MCTP1: variants seen among roughly 807,000 people sequenced by gnomAD.
MCTP1 encodes the protein multiple C2 and transmembrane domain containing 1.
Under a neutral mutation model 120.6 loss-of-function variants are expected in MCTP1, and 69 were observed. That is an observed-to-expected ratio of 0.57 (90% CI 0.47 to 0.70). MCTP1 has a LOEUF of 0.70. Among genes scored for constraint, MCTP1 ranks in the 30% least tolerant of loss-of-function variants. The pLI is 0.00. For missense variants in MCTP1, 1,203 were observed against 1,248.8 expected (o/e 0.96, Z 0.55); for synonymous variants, 529 against 493.1 (o/e 1.07, Z -0.96).
intron 19 of MCTP1, among the ~76,000 whole-genome samples, chr5:94,735,979 C>T (rs1764132967): frequency 6.6e-6 from 1 of 152,196 alleles, no homozygotes; most frequent in African/African-American, 2.4e-5. Context: ...TTGGACAGAC[C>T]TTGGTTTCAA....
At chr5:95,093,232 G>A (rs11960770) in intron 1 of MCTP1, among the ~76,000 whole-genome samples, 32,033 of 151,964 alleles carry the variant, frequency 0.21, 5,116 homozygotes, top group African/African-American at 0.45. Flanking sequence ...TGACTCAAAG[G>A]GCCAAACACT....
intron 1 of MCTP1, among the ~76,000 whole-genome samples, chr5:95,080,181 T>G (rs75328735): frequency 2.4e-3 from 373 of 152,288 alleles, no homozygotes; most frequent in Middle Eastern, 6.8e-3. Context: ...ACCCCTGTCC[T>G]TTAGGCATGT....
intron 1 of MCTP1, among the ~76,000 whole-genome samples, chr5:95,119,122 A>G (rs1474471236): frequency 1.3e-5 from 2 of 152,362 alleles, no homozygotes; most frequent in East Asian, 3.9e-4. Context: ...TCAAAGACAG[A>G]CCATATGTTA....
At chr5:95,152,938 A>T (rs1037043916) in intron 1 of MCTP1, among the ~76,000 whole-genome samples, 2 of 152,144 alleles carry the variant, frequency 1.3e-5, no homozygotes, top group African/African-American at 4.8e-5. Context: ...CATAAAGGGG[A>T]AATGGGCACA....
At chr5:95,016,530 A>G (rs531309019) in intron 2 of MCTP1, among the ~76,000 whole-genome samples, 9 of 152,086 alleles carry the variant, frequency 5.9e-5, no homozygotes, top group African/African-American at 1.7e-4. Flanking sequence ...ACAGGATCCT[A>G]TGGTGCCAGA....
chr5:95,201,463 G>GTTTTTTTTTTTTTTTTTTTTTTT (rs1562232022), intron 1 of MCTP1, among the ~76,000 whole-genome samples: 1 of 120,682 alleles, frequency 8.3e-6, no homozygotes, highest in Non-Finnish European at 1.8e-5. Context: ...AAGGAAAAGT[G>GTTTTTTTTTTTTTTTTTTTTTTT]GTTTTTTTTT....
chr5:94,970,907 C>T lies in MCTP1; in HGVS notation c.839-17546G>A, dbSNP rs138054001. Among the ~76,000 whole-genome samples, 759 of 151,660 alleles carry T rather than the reference C, an allele frequency of 5.0e-3. 9 individuals carry two copies. Among genetic ancestry groups the T allele is most frequent in the Non-Finnish European group, 4.4e-3 (298 of 67,874 alleles). ...TCTGAAATTGTTTCCTTGAGTGTCA[C>T]CAATAACTTTTAAAAATTCATCAAT... On this transcript the variant is annotated intron_variant, in intron 2 of 22. Coordinates refer to ENST00000515393, the MANE Select transcript of MCTP1 (RefSeq NM_024717.7).
At chr5:95,016,099 C>A (rs1013827579) in intron 2 of MCTP1, among the ~76,000 whole-genome samples, 1 of 152,082 alleles carries the variant, frequency 6.6e-6, no homozygotes, top group African/African-American at 2.4e-5. Flanking sequence ...CTAAACCAGA[C>A]AGTTATTTTG....
Position 94,773,937 on chromosome 5 carries a change from G to A in MCTP1, c.2610+5173C>T, listed in dbSNP as rs1489743162. Among the ~76,000 whole-genome samples the A allele has an allele frequency of 4.1e-4, 16 of 39,238 alleles. 5 individuals are homozygous for A. Among genetic ancestry groups the A allele is most frequent in the Admixed American group, 2.7e-3 (11 of 4,052 alleles). The allele number at this position is 39,238 out of a possible 152,430, so 25.7% of individuals were successfully genotyped here. On this transcript the variant is annotated intron_variant, in intron 19 of 22. Transcript: ENST00000515393. ...ATATTAGATGAAATAGGCCGGGCGC[G>A]GTGGCTCACGCCTGTAATCCCAGCA...
In MCTP1 at chr5:95,068,280, A is replaced by G. The variant is rs190933995; in HGVS notation, c.721-50796T>C. 4.3e-3 allele frequency among the ~76,000 whole-genome samples: 661 copies of G among 152,084 alleles called. 3 individuals carry two copies. Among genetic ancestry groups the G allele is most frequent in the Non-Finnish European group, 6.7e-3 (456 of 67,928 alleles). Reference sequence around the variant, plus strand: ...GAGAGAAAATAGATTTGATTCACAGAGGAGAAAGAGAGAGACAGAGAGAAG... The same window carrying G: ...GAGAGAAAATAGATTTGATTCACAGGGGAGAAAGAGAGAGACAGAGAGAAG... On this transcript the variant is annotated intron_variant, in intron 1 of 22. Coordinates refer to ENST00000515393, the MANE Select transcript of MCTP1 (RefSeq NM_024717.7).
intron 12 of MCTP1, among the ~76,000 whole-genome samples, chr5:94,888,126 A>T (rs533723454): frequency 6.6e-6 from 1 of 152,338 alleles, no homozygotes; most frequent in Non-Finnish European, 1.5e-5. Context: ...TAATTTAAGG[A>T]ACAGTATAAG....
At chr5:94,879,020 T>G (rs1370202590) in intron 12 of MCTP1, among the ~76,000 whole-genome samples, 2 of 152,000 alleles carry the variant, frequency 1.3e-5, no homozygotes, top group Non-Finnish European at 2.9e-5. Context: ...GAAACACTTC[T>G]GGAGAAAAGT....
At chr5:95,272,660 G>A (rs1208456431) in intron 1 of MCTP1, among the ~76,000 whole-genome samples, 2 of 152,192 alleles carry the variant, frequency 1.3e-5, no homozygotes, top group Non-Finnish European at 2.9e-5. Flanking sequence ...AAAGCCCAGA[G>A]GCAGAGAGCA....
chr5:94,895,821 A>G (rs568993328), intron 10 of MCTP1, among the ~76,000 whole-genome samples: 1 of 152,362 alleles, frequency 6.6e-6, no homozygotes, highest in East Asian at 1.9e-4. Context: ...ATATTTCAAT[A>G]GGCCTTTTAT....
chr5:94,796,242 T>A (rs1308017368), intron 18 of MCTP1, among the ~76,000 whole-genome samples: 2 of 152,182 alleles, frequency 1.3e-5, no homozygotes, highest in African/African-American at 4.8e-5. Flanking sequence ...CCTAATTAAA[T>A]TTTTGGCAGC....
At chr5:95,011,528 G>T (rs1835945725) in intron 2 of MCTP1, among the ~76,000 whole-genome samples, 1 of 152,076 alleles carries the variant, frequency 6.6e-6, no homozygotes, top group African/African-American at 2.4e-5. Flanking sequence ...GATCACGGGG[G>T]CAGTTTCCTC....
chr5:94,859,852 C>T (rs1423621349), intron 17 of MCTP1, among the ~76,000 whole-genome samples: 1 of 151,548 alleles, frequency 6.6e-6, no homozygotes, highest in Non-Finnish European at 1.5e-5. Context: ...ATTTTAAGTT[C>T]AATCAAAAAG....
At chr5:94,866,887 T>A (rs1407918502) in intron 17 of MCTP1, among the ~76,000 whole-genome samples, 2 of 151,868 alleles carry the variant, frequency 1.3e-5, no homozygotes, top group African/African-American at 2.4e-5. Context: ...TCAAAATGAA[T>A]GTTGCTGAAC....
intron 19 of MCTP1, among the ~76,000 whole-genome samples, chr5:94,767,938 A>C (rs991938698): frequency 1.3e-5 from 2 of 152,214 alleles, no homozygotes; most frequent in African/African-American, 2.4e-5. Flanking sequence ...AAAGACCCTA[A>C]TAGCCAAAGC....
Sources: allele counts gnomAD v4.1 joint callset (sites outside exome capture counted in the v4.1 genomes callset), GRCh38; gene constraint gnomAD v4.1.1; transcripts MANE v1.5; gene names NCBI Gene and HGNC (gene_info 2026-07-23, HGNC 2026-07-21).